Variants in MFHAS1 observed in about 807,000 individuals in gnomAD.
The protein encoded by MFHAS1 is multifunctional ROCO family signaling regulator 1, also known as malignant fibrous histiocytoma-amplified sequence 1.
A neutral mutation model predicts 70.4 loss-of-function variants in MFHAS1; 50 were observed. The ratio of observed to expected loss-of-function variants is 0.71; its 90% CI spans 0.57 to 0.90. The LOEUF is 0.90. MFHAS1 is among the 40% of genes least tolerant of loss of function. The probability of loss-of-function intolerance (pLI) is 0.00; values close to 1 mark genes in which losing one functional copy is unlikely to be tolerated. For missense variants in MFHAS1, 1,795 were observed against 1,347.6 expected (o/e 1.33, Z -5.20); for synonymous variants, 952 against 620.0 (o/e 1.54, Z -7.96).
At position 8,890,730 on chromosome 8, in the gene MFHAS1, G is replaced by C. The variant is rs953354074; in HGVS notation, c.2329C>G (p.Gln777Glu). ...AGCTGGGTGGCCCGGAGCAGTTCCT[G>C]GCTGGGGGTGGACCGCGCCATGGGC... ...SPPMARSTPSQELLRATQLHQ... is the reference protein window; with the variant it reads ...SPPMARSTPSEELLRATQLHQ... Residue 777 changes from glutamine (Q) to glutamate (E), a missense_variant, in exon 1 of 3, where the codon CAG (glutamine) becomes GAG (glutamate). Physicochemically the swap from Gln to Glu is conservative, Grantham distance 29 (BLOSUM62 2). Transcript: ENST00000276282. 3 of 1,613,746 alleles carry C rather than the reference G, an allele frequency of 1.9e-6. No homozygotes were observed. The highest frequency in any genetic ancestry group is 2.5e-6 in the Non-Finnish European group (3 of 1,179,816).
In MFHAS1 at chr8:8,892,068, T is replaced by C. The variant is rs1416570557; in HGVS notation, c.991A>G (p.Ile331Val). The C allele has an allele frequency of 6.2e-7, 1 of 1,613,136 alleles. No homozygotes were observed. The highest frequency in any genetic ancestry group is 8.5e-7 in the Non-Finnish European group (1 of 1,179,972). The change falls in exon 1 of 3, where the codon ATC (isoleucine) becomes GTC (valine). Residue 331 changes from isoleucine (I) to valine (V), a missense_variant. By Grantham distance (29) the Ile-to-Val change is conservative. Coordinates refer to ENST00000276282, the MANE Select transcript of MFHAS1 (RefSeq NM_004225.3). This position sits in a 1 kb window ranked among gnomAD's most constrained non-coding sequence, Gnocchi z 4.7. Reference sequence around the variant, plus strand: ...ACGATGGAGTCCGGCAGGTAGCGGATGCGGTTATTATCCAGCCACAAGGTG... The same window carrying C: ...ACGATGGAGTCCGGCAGGTAGCGGACGCGGTTATTATCCAGCCACAAGGTG... ...LLTLWLDNNRIRYLPDSIVEL... is the reference protein window; with the variant it reads ...LLTLWLDNNRVRYLPDSIVEL...
intron 1 of MFHAS1, among the ~76,000 whole-genome samples, chr8:8,798,622 C>A (rs1190414224): frequency 6.6e-6 from 1 of 152,166 alleles, no homozygotes; most frequent in African/African-American, 2.4e-5. Flanking sequence ...CAGGTGTGAG[C>A]CACCATGTCT....
At position 8,891,192 on chromosome 8, in the gene MFHAS1, G is replaced by T. The variant is rs1314751726; in HGVS notation, c.1867C>A (p.Pro623Thr). Residue 623 changes from proline to threonine, a missense_variant, in exon 1 of 3, where the codon CCC (proline) becomes ACC (threonine). Coordinates refer to ENST00000276282, the MANE Select transcript of MFHAS1 (RefSeq NM_004225.3). The surrounding 1 kb of genome is among the most constrained non-coding windows in gnomAD (Gnocchi z 5.4). ...TCCCTGCAGCTAACAGGCAACACGG[G>T]GGAGAGGATCTGCAGCCGGTGGTTG... Reference protein sequence around the residue: ...LLNHRLQILSPVLPVSCRDPR... With the variant: ...LLNHRLQILSTVLPVSCRDPR... 3 of 1,612,972 alleles carry T rather than the reference G, an allele frequency of 1.9e-6. No individual in the cohort carries two copies. The highest frequency in any genetic ancestry group is 1.7e-6 in the Non-Finnish European group (2 of 1,180,046).
intron 1 of MFHAS1, among the ~76,000 whole-genome samples, chr8:8,871,918 G>C (rs1323223201): frequency 6.6e-6 from 1 of 152,192 alleles, no homozygotes; most frequent in Non-Finnish European, 1.5e-5. Flanking sequence ...TCTAGCTACA[G>C]CTAAGGTGAC....
chr8:8,822,625 C>A (rs1191936266), intron 1 of MFHAS1, among the ~76,000 whole-genome samples: 1 of 135,430 alleles, frequency 7.4e-6, no homozygotes, highest in Non-Finnish European at 1.5e-5. Flanking sequence ...GGACCCAAGT[C>A]AGGGGGACTG....
At chr8:8,830,866 G>C (rs1439697858) in intron 1 of MFHAS1, among the ~76,000 whole-genome samples, 1 of 152,048 alleles carries the variant, frequency 6.6e-6, no homozygotes, top group Non-Finnish European at 1.5e-5. Flanking sequence ...CAAAGTGCTG[G>C]GATTACAGGC....
At chr8:8,851,527 G>C (rs1233413071) in intron 1 of MFHAS1, among the ~76,000 whole-genome samples, 1 of 152,152 alleles carries the variant, frequency 6.6e-6, no homozygotes, top group Non-Finnish European at 1.5e-5. Flanking sequence ...TTGCTTGGCA[G>C]CTTAATTAAA....
Position 8,892,870 on chromosome 8 carries a change from C to T in MFHAS1, c.189G>A (p.Gly63=), listed in dbSNP as rs1247233678. 1 of 1,589,432 alleles carries T rather than the reference C, an allele frequency of 6.3e-7. No individual in the cohort carries two copies. The change falls in exon 1 of 3, where the codon GGG becomes GGA. Residue 63 remains glycine (G), a synonymous_variant. Coordinates refer to ENST00000276282, the MANE Select transcript of MFHAS1 (RefSeq NM_004225.3). The surrounding 1 kb of genome is among the most constrained non-coding windows in gnomAD (Gnocchi z 4.7). The part of the protein sequence containing the change: ...SPQLVLPANL[G]DIEALNLGNN... ...TCCCCAGGTTCAGTGCCTCAATGTC[C>T]CCGAGGTTGGCCGGCAGCACGAGCT... is the stretch of plus-strand genomic sequence containing the variant.
intron 1 of MFHAS1, among the ~76,000 whole-genome samples, chr8:8,815,619 G>A (rs568805717): frequency 6.1e-4 from 93 of 152,302 alleles, no homozygotes; most frequent in Non-Finnish European, 8.5e-4. Flanking sequence ...AATGACCAGT[G>A]ATGTTGAGCT....
In MFHAS1 at chr8:8,853,621, C is replaced by T. The variant is rs370315667; in HGVS notation, c.2998+36440G>A. 7.2e-5 allele frequency among the ~76,000 whole-genome samples: 11 copies of T among 152,288 alleles called. No individual in the cohort carries two copies. In the East Asian group the frequency reaches 7.7e-4, roughly 11 times the overall value. ...TTGTTCTGTCGCCCAGGCTGGAGTG[C>T]AATGGCGCAATCTCAGCTCACTGCA... On this transcript the variant is annotated intron_variant, in intron 1 of 2. Transcript: ENST00000276282.
intron 1 of MFHAS1, among the ~76,000 whole-genome samples, chr8:8,841,233 G>C (rs1157369778): frequency 6.6e-6 from 1 of 152,136 alleles, no homozygotes. Context: ...CTAGCACTTT[G>C]GGAGGCCGAG....
At chr8:8,831,690 C>T (rs1459902372) in intron 1 of MFHAS1, among the ~76,000 whole-genome samples, 1 of 151,398 alleles carries the variant, frequency 6.6e-6, no homozygotes, top group East Asian at 1.9e-4. Flanking sequence ...CTCACTGCAA[C>T]CTCCGCCTCC....
chr8:8,890,367 A>C lies in MFHAS1; in HGVS notation c.2692T>G (p.Tyr898Asp). Residue 898 changes from tyrosine (Y) to aspartate (D), a missense_variant, in exon 1 of 3, where the codon TAC (tyrosine) becomes GAC (aspartate). Physicochemically the swap from Tyr to Asp is radical, Grantham distance 160. Coordinates refer to ENST00000276282, the MANE Select transcript of MFHAS1 (RefSeq NM_004225.3). ...ACATGGCTGTTGATCTGGACACTGT[A>C]GCGTGCAAACAACCCAAGTGGAAAA... ...FTFPLGLFAR[Y>D]SVQINSHVVH... The C allele has an allele frequency of 1.9e-6, 3 of 1,614,206 alleles. No homozygotes were observed. The highest frequency in any genetic ancestry group is 2.5e-6 in the Non-Finnish European group (3 of 1,180,042).
At position 8,893,456 on chromosome 8, in the gene MFHAS1, C is replaced by G. The variant is rs1810183165; in HGVS notation, c.-398G>C. 1 of 145,834 alleles carries G rather than the reference C, an allele frequency of 6.9e-6. No homozygotes were observed. The highest frequency in any genetic ancestry group is 2.5e-5 in the African/African-American group (1 of 40,576). 9.0% of individuals were successfully genotyped at this position (145,834 alleles called of 1,614,324 possible). A position where few individuals can be genotyped will look rare whatever the true frequency, so the allele number is the denominator to read the frequency against. ...GCGGCCGGCAGCGGCGTCGCCTCCTCGAGCTCCTGGGGGAGGGCGGCGCTC... is the reference window on the plus strand; with the variant it reads ...GCGGCCGGCAGCGGCGTCGCCTCCTGGAGCTCCTGGGGGAGGGCGGCGCTC... On this transcript the variant is annotated 5_prime_UTR_variant, in exon 1 of 3. Transcript: ENST00000276282.
chr8:8,797,166 A>T (rs897356693), intron 2 of MFHAS1, among the ~76,000 whole-genome samples, 199 bp downstream of exon 2: 12 of 150,626 alleles, frequency 8.0e-5, no homozygotes, highest in Non-Finnish European at 1.3e-4. Context: ...AAAAAAAAAA[A>T]ATCACAAAAA....
At chr8:8,833,760 T>TG (rs1585042063) in intron 1 of MFHAS1, among the ~76,000 whole-genome samples, 1 of 152,222 alleles carries the variant, frequency 6.6e-6, no homozygotes, top group East Asian at 1.9e-4. Flanking sequence ...ATGTTCATAG[T>TG]GACTTTATTC....
intron 1 of MFHAS1, among the ~76,000 whole-genome samples, chr8:8,817,373 G>GCCA (rs1806786565): frequency 2.6e-5 from 4 of 152,182 alleles, no homozygotes; most frequent in Non-Finnish European, 5.9e-5. Context: ...GCTTAATAAA[G>GCCA]CCATTTGAAA....
intron 1 of MFHAS1, among the ~76,000 whole-genome samples, chr8:8,843,750 C>T (rs111375998): frequency 1.3e-5 from 2 of 152,150 alleles, no homozygotes; most frequent in Non-Finnish European, 2.9e-5. Flanking sequence ...CCTGCACCTG[C>T]TCCCATAAAC....
At chr8:8,834,877 A>G (rs1439810516) in intron 1 of MFHAS1, among the ~76,000 whole-genome samples, 3 of 152,204 alleles carry the variant, frequency 2.0e-5, no homozygotes, top group Admixed American at 2.0e-4. Context: ...GGATATTTTA[A>G]ATCTTGGAGG....
Sources: allele counts gnomAD v4.1 joint callset (sites outside exome capture counted in the v4.1 genomes callset), GRCh38; gene constraint gnomAD v4.1.1; non-coding constraint Gnocchi (gnomAD v3.1); transcripts MANE v1.5; gene names NCBI Gene and HGNC (gene_info 2026-07-23, HGNC 2026-07-21).